Variants in RELN observed in about 807,000 individuals in gnomAD.
RELN encodes reelin.
A neutral mutation model predicts 427.6 loss-of-function variants in RELN; 108 were observed. The observed-to-expected ratio is 0.25, with a 90% CI of 0.22 to 0.30. RELN has a LOEUF of 0.30. Among genes scored for constraint, RELN ranks in the 10% least tolerant of loss-of-function variants. RELN has a pLI of 1.00. For synonymous variants in RELN, 1,524 were observed against 1,513.4 expected (o/e 1.01, Z -0.16); for missense variants, 3,715 against 4,302.8 (o/e 0.86, Z 3.82).
At chr7:103,963,054 T>C (rs890483836) in intron 1 of RELN, among the ~76,000 whole-genome samples, 2 of 151,416 alleles carry the variant, frequency 1.3e-5, no homozygotes, top group African/African-American at 4.9e-5. Context: ...AAGCCAGTGA[T>C]GGGAACAATA....
intron 6 of RELN, among the ~76,000 whole-genome samples, chr7:103,736,287 G>T (rs1790490297): frequency 6.6e-6 from 1 of 152,132 alleles, no homozygotes; most frequent in African/African-American, 2.4e-5. Flanking sequence ...CATTACACCT[G>T]TAAGCAATTT....
At chr7:103,728,331 G>A in intron 6 of RELN, 124 bp from the exon 7 acceptor site, 2 of 892,240 alleles carry the variant, frequency 2.2e-6, no homozygotes, top group Non-Finnish European at 1.8e-6. Flanking sequence ...GAGGAAAGTA[G>A]GAGTATTTTG....
intron 4 of RELN, among the ~76,000 whole-genome samples, chr7:103,772,343 T>C (rs1584479964): frequency 6.7e-6 from 1 of 148,906 alleles, no homozygotes; most frequent in Non-Finnish European, 1.5e-5. Context: ...AATGAATGAA[T>C]GAATGCACAA....
chr7:103,919,962 G>C (rs1795576336), intron 1 of RELN, among the ~76,000 whole-genome samples: 1 of 152,144 alleles, frequency 6.6e-6, no homozygotes, highest in Non-Finnish European at 1.5e-5. Flanking sequence ...TCACCAATTT[G>C]GCCCATTGAT....
intron 4 of RELN, among the ~76,000 whole-genome samples, chr7:103,774,638 G>T (rs138446491): frequency 1.3e-5 from 2 of 152,104 alleles, no homozygotes; most frequent in African/African-American, 4.8e-5. Context: ...ATGATAAAAT[G>T]TTATTTTATT....
chr7:103,871,907 T>C (rs1280359650), intron 2 of RELN, among the ~76,000 whole-genome samples: 1 of 151,842 alleles, frequency 6.6e-6, no homozygotes, highest in Non-Finnish European at 1.5e-5. Flanking sequence ...AGAGTCTATA[T>C]TAGAAATATT....
intron 20 of RELN, among the ~76,000 whole-genome samples, chr7:103,614,044 G>A (rs1832026003): frequency 6.6e-6 from 1 of 152,204 alleles, no homozygotes; most frequent in Non-Finnish European, 1.5e-5. Flanking sequence ...CAATGCTGAG[G>A]AGAGTCATGT....
intron 3 of RELN, among the ~76,000 whole-genome samples, chr7:103,791,283 G>C (rs551972496): frequency 6.6e-6 from 1 of 152,270 alleles, no homozygotes; most frequent in East Asian, 1.9e-4. Context: ...AAGGGGCTCA[G>C]AAGAGTCAAA....
chr7:103,674,698 T>G (rs956495101), intron 11 of RELN, among the ~76,000 whole-genome samples: 4 of 152,154 alleles, frequency 2.6e-5, no homozygotes, highest in East Asian at 1.9e-4. Context: ...ATGATCAAGT[T>G]GGCTTCATCC....
intron 19 of RELN, among the ~76,000 whole-genome samples, chr7:103,632,544 TA>T (rs1325995411): frequency 6.6e-6 from 1 of 152,212 alleles, no homozygotes; most frequent in African/African-American, 2.4e-5. Context: ...TTCTACATCG[TA>T]TCTTTGGGTG....
At chr7:103,670,264 C>G (rs1265005720) in intron 11 of RELN, among the ~76,000 whole-genome samples, 1 of 151,994 alleles carries the variant, frequency 6.6e-6, no homozygotes, top group African/African-American at 2.4e-5. Context: ...AAATTATATA[C>G]CTACATAAGT....
chr7:103,983,897 A>G (rs868524918), intron 1 of RELN, among the ~76,000 whole-genome samples: 2,482 of 137,054 alleles, frequency 0.018, 55 homozygotes, highest in African/African-American at 0.062. Context: ...GTGTGTGTGT[A>G]TGTCTTTTAA....
chr7:103,600,595 T>C (rs1562915285), intron 24 of RELN, among the ~76,000 whole-genome samples: 1 of 152,292 alleles, frequency 6.6e-6, no homozygotes, highest in East Asian at 1.9e-4. Context: ...ATTTAAGCCC[T>C]CCTTGTGTTT....
chr7:103,815,715 C>G (rs938498254), intron 3 of RELN, among the ~76,000 whole-genome samples: 1 of 151,948 alleles, frequency 6.6e-6, no homozygotes, highest in African/African-American at 2.4e-5. Flanking sequence ...GTCTATCCCC[C>G]AAAGACTTTC....
chr7:103,857,743 C>T (rs977383448), intron 2 of RELN, among the ~76,000 whole-genome samples: 31 of 152,146 alleles, frequency 2.0e-4, no homozygotes, highest in African/African-American at 7.2e-4. Flanking sequence ...CCAAGCACTG[C>T]ACTAAACACC....
intron 58 of RELN, 54 bp from the exon 59 acceptor site, chr7:103,490,883 G>A (rs1828626888): frequency 6.4e-7 from 1 of 1,574,580 alleles, no homozygotes; most frequent in African/African-American, 1.3e-5. Flanking sequence ...CATATAATCT[G>A]TTAATGTCAA....
At chr7:103,777,455 C>T (rs963902457) in intron 3 of RELN, among the ~76,000 whole-genome samples, 2 of 152,122 alleles carry the variant, frequency 1.3e-5, no homozygotes, top group Non-Finnish European at 2.9e-5. Context: ...AAAAAATTAG[C>T]ATGAAATCTT....
chr7:103,841,541 G>T (rs1419083710), intron 2 of RELN, among the ~76,000 whole-genome samples: 3 of 152,082 alleles, frequency 2.0e-5, no homozygotes, highest in Non-Finnish European at 1.5e-5. Context: ...ATACATTTCT[G>T]TTCCTTCCAG....
At position 103,569,685 on chromosome 7, in the gene RELN, A is replaced by T. The variant is rs1032866482; in HGVS notation, c.4588+2499T>A. 6.6e-6 allele frequency among the ~76,000 whole-genome samples: 1 copy of T among 152,214 alleles called. No individual in the cohort carries two copies. The highest frequency in any genetic ancestry group is 2.4e-5 in the African/African-American group (1 of 41,450). On this transcript the variant is annotated intron_variant, in intron 31 of 64. Transcript: ENST00000428762. The surrounding 1 kb of genome is among the most constrained non-coding windows in gnomAD (Gnocchi z 4.0). ...AAGGTCTGCAGAGATGAGGGCCCCA[A>T]TTCCAAAGGACAAAGAAGGAGAGCC...
Sources: allele counts gnomAD v4.1 joint callset (sites outside exome capture counted in the v4.1 genomes callset), GRCh38; gene constraint gnomAD v4.1.1; non-coding constraint Gnocchi (gnomAD v3.1); transcripts MANE v1.5; gene names NCBI Gene and HGNC (gene_info 2026-07-23, HGNC 2026-07-21).